PLEKHA7: variants seen among roughly 807,000 people sequenced by gnomAD.
PLEKHA7 encodes the protein pleckstrin homology domain-containing family A member 7.
A neutral mutation model predicts 170.0 loss-of-function variants in PLEKHA7; 104 were observed. The observed-to-expected ratio is 0.61, with a 90% CI of 0.52 to 0.72. The LOEUF is 0.72. PLEKHA7 is among the 30% of genes least tolerant of loss of function. PLEKHA7 has a pLI of 0.00. For synonymous variants in PLEKHA7, 648 were observed against 660.8 expected (o/e 0.98, Z 0.30); for missense variants, 1,615 against 1,671.7 (o/e 0.97, Z 0.59).
chr11:16,816,854 A>T lies in PLEKHA7; in HGVS notation c.1812T>A (p.Ser604Arg), dbSNP rs1243861457. The change falls in exon 11 of 27, where the codon AGT (serine) becomes AGA (arginine). Residue 604 changes from serine to arginine, a missense_variant. By Grantham distance (110) the Ser-to-Arg change is moderately radical. Coordinates refer to ENST00000531066, the MANE Select transcript of PLEKHA7 (RefSeq NM_001329630.2). ...VTVKPPDQRR[S>R]VDISLGDSPR... ...GAGAATCCCCCAGCGAGATGTCCACACTCCTCCTCTGGTCCGGTGGCTTCA... is the reference window on the plus strand; with the variant it reads ...GAGAATCCCCCAGCGAGATGTCCACTCTCCTCCTCTGGTCCGGTGGCTTCA... The T allele has an allele frequency of 6.2e-7, 1 of 1,612,526 alleles. No homozygotes were observed. Among genetic ancestry groups the T allele is most frequent in the Non-Finnish European group, 8.5e-7 (1 of 1,179,604 alleles).
intron 3 of PLEKHA7, among the ~76,000 whole-genome samples, chr11:16,923,326 C>A (rs1859237598): frequency 6.6e-6 from 1 of 152,196 alleles, no homozygotes; most frequent in South Asian, 2.1e-4. Flanking sequence ...GTACCAGCAG[C>A]TCAGGGCAGG....
chr11:16,948,626 GCACACACACAGAGTGAAGGAGGAACACA>G (rs1482711196), intron 3 of PLEKHA7, among the ~76,000 whole-genome samples: 2 of 140,226 alleles, frequency 1.4e-5, no homozygotes, highest in African/African-American at 5.2e-5. Context: ...ACACACATGT[GCACACACACAGAGTGAAGGAGGAACACA>G]CACACACACA....
At chr11:16,877,105 A>G (rs1218559377) in intron 3 of PLEKHA7, among the ~76,000 whole-genome samples, 4 of 152,154 alleles carry the variant, frequency 2.6e-5, no homozygotes, top group African/African-American at 7.2e-5. Flanking sequence ...GACTCTATTA[A>G]AGATCTTCTC....
At chr11:16,788,657 G>A (rs1433626135) in intron 23 of PLEKHA7, 2 of 227,976 alleles carry the variant, frequency 8.8e-6, no homozygotes, top group Non-Finnish European at 1.8e-5. Context: ...GCAGGGGTGT[G>A]ACCCCGTGCT....
chr11:16,794,356 G>T (rs1848064023), intron 19 of PLEKHA7, 132 bp downstream of exon 19: 1 of 841,604 alleles, frequency 1.2e-6, no homozygotes, highest in Non-Finnish European at 2.0e-6. Context: ...AACTGCTTGT[G>T]ACTAAGGACT....
chr11:16,816,956 G>C lies in PLEKHA7; in HGVS notation c.1710C>G (p.Pro570=). 6.2e-7 allele frequency: 1 copy of C among 1,611,932 alleles called. No homozygotes were observed. The highest frequency in any genetic ancestry group is 8.5e-7 in the Non-Finnish European group (1 of 1,178,820). ...VPRSISVPPS[P]SDIPPPGPPR... is the part of the protein sequence containing the mutation. ...GGGGTCCTGGGGGAGGGATGTCCGA[G>C]GGAGATGGAGGCACAGAGATGGAGC... The change falls in exon 11 of 27, where the codon CCC becomes CCG. Residue 570 remains proline (P), a synonymous_variant. Coordinates refer to ENST00000531066, the MANE Select transcript of PLEKHA7 (RefSeq NM_001329630.2).
intron 3 of PLEKHA7, among the ~76,000 whole-genome samples, chr11:16,914,484 A>G (rs988893968): frequency 1.1e-4 from 16 of 152,202 alleles, no homozygotes; most frequent in Non-Finnish European, 1.9e-4. Context: ...AGCCACCAGA[A>G]AAACACTGAT....
rs749040830 is a variant in PLEKHA7 at position 16,790,905 on chromosome 11, C to T, written c.2945G>A (p.Arg982Gln). Residue 982 changes from arginine (R) to glutamine (Q), a missense_variant, in exon 21 of 27, where the codon CGG (arginine) becomes CAG (glutamine). Arg to Gln is a conservative substitution (Grantham distance 43, BLOSUM62 1). Coordinates refer to ENST00000531066, the MANE Select transcript of PLEKHA7 (RefSeq NM_001329630.2). Reference protein sequence around the residue: ...CVNGDSRVELRSYVSEPELAT... With the variant: ...CVNGDSRVELQSYVSEPELAT... ...CAGCTCAGGCTCACTGACATACGAC[C>T]GCAGCTCCACCTGTGGGCAGAGTCC... The T allele has an allele frequency of 1.3e-5, 21 of 1,613,330 alleles. No individual in the cohort carries two copies. The East Asian group carries it at 2.0e-4, about 15-fold the overall frequency.
chr11:16,952,423 T>C, intron 3 of PLEKHA7, among the ~76,000 whole-genome samples: 1 of 152,148 alleles, frequency 6.6e-6, no homozygotes, highest in Non-Finnish European at 1.5e-5. Context: ...CAGAAGACTT[T>C]GTGAGACCAG....
intron 3 of PLEKHA7, among the ~76,000 whole-genome samples, chr11:17,003,052 G>T (rs531590588): frequency 1.4e-5 from 2 of 147,180 alleles, no homozygotes; most frequent in South Asian, 4.3e-4. Flanking sequence ...GCATGCAATG[G>T]CGCAATTTCG....
intron 21 of PLEKHA7, chr11:16,790,505 T>C (rs1245860816): frequency 6.3e-6 from 2 of 318,216 alleles, no homozygotes; most frequent in Non-Finnish European, 1.2e-5. Flanking sequence ...ACTTTCCTCA[T>C]AGGATTGTTG....
chr11:16,816,768 C>CCAG, intron 11 of PLEKHA7, 32 bp downstream of exon 11: 1 of 1,604,366 alleles, frequency 6.2e-7, no homozygotes, highest in East Asian at 2.2e-5. Context: ...TCATGATGAC[C>CCAG]CAGCAGCCTG....
intron 4 of PLEKHA7, among the ~76,000 whole-genome samples, chr11:16,859,736 C>A (rs915701014): frequency 1.3e-5 from 2 of 152,238 alleles, no homozygotes; most frequent in Admixed American, 6.5e-5. Flanking sequence ...CGAGTCTCAT[C>A]TAAGAACCAA....
At chr11:16,890,999 C>G (rs968119614) in intron 3 of PLEKHA7, among the ~76,000 whole-genome samples, 2 of 151,958 alleles carry the variant, frequency 1.3e-5, no homozygotes, top group African/African-American at 2.4e-5. Context: ...CTCCTGGGCT[C>G]AAGTGATCAT....
At chr11:16,803,755 T>C (rs1318436595) in intron 13 of PLEKHA7, among the ~76,000 whole-genome samples, 1 of 152,142 alleles carries the variant, frequency 6.6e-6, no homozygotes, top group African/African-American at 2.4e-5. Context: ...TTGACCATTG[T>C]CAAGCCTTAG....
chr11:16,824,801 G>GAA (rs1850508477), intron 10 of PLEKHA7, among the ~76,000 whole-genome samples: 5 of 152,186 alleles, frequency 3.3e-5, no homozygotes, highest in Non-Finnish European at 7.3e-5. Context: ...TTACTTTGGA[G>GAA]TATGAGGACC....
chr11:16,796,663 T>G (rs1848251787), intron 17 of PLEKHA7, among the ~76,000 whole-genome samples: 1 of 152,120 alleles, frequency 6.6e-6, no homozygotes, highest in Non-Finnish European at 1.5e-5. Flanking sequence ...ATTTACTTAT[T>G]TACTTATTTA....
rs1461723681 is a variant in PLEKHA7 at position 16,892,203 on chromosome 11, G to A, written c.222-21021C>T. ...CTGTGAATCTATGAATCCATAAAAT[G>A]CATCATTTGACAACTATGTGAGTCA... On this transcript the variant is annotated intron_variant, in intron 3 of 26. Coordinates refer to ENST00000531066, the MANE Select transcript of PLEKHA7 (RefSeq NM_001329630.2). Among the ~76,000 whole-genome samples the A allele has an allele frequency of 1.8e-4, 27 of 152,160 alleles. 1 individual carries two copies. Among genetic ancestry groups the A allele is most frequent in the Admixed American group, 1.7e-3 (26 of 15,278 alleles).
rs996778685 is a variant in PLEKHA7 at position 16,855,931 on chromosome 11, G to A, written c.306-17C>T. ...GGATTCGGCCTGTGAGGAGACAGGG[G>A]ATTCCAGTGAGTAAAAGCCGAGCTA... On this transcript the variant is annotated splice_polypyrimidine_tract_variant and intron_variant, in intron 4 of 26. Coordinates refer to ENST00000531066, the MANE Select transcript of PLEKHA7 (RefSeq NM_001329630.2). 2 of 1,587,556 alleles carry A rather than the reference G, an allele frequency of 1.3e-6. No homozygotes were observed. The highest frequency in any genetic ancestry group is 2.2e-5 in the East Asian group (1 of 44,766).
Sources: allele counts gnomAD v4.1 joint callset (sites outside exome capture counted in the v4.1 genomes callset), GRCh38; gene constraint gnomAD v4.1.1; transcripts MANE v1.5; gene names NCBI Gene and HGNC (gene_info 2026-07-23, HGNC 2026-07-21).